Variants in DET1 observed in about 807,000 individuals in gnomAD.
The protein encoded by DET1 is DET1 partner of COP1 E3 ubiquitin ligase, also known as DET1 homolog.
DET1 carries 22 observed loss-of-function variants against 43.7 expected under a neutral mutation model. The observed-to-expected ratio is 0.50, with a 90% CI of 0.36 to 0.72. The LOEUF (loss-of-function observed/expected upper bound fraction) is 0.72. DET1 is among the 30% of genes least tolerant of loss of function. DET1 has a pLI of 0.00. For missense variants in DET1, 713 were observed against 713.3 expected (o/e 1.00, Z 0.00); for synonymous variants, 315 against 266.2 (o/e 1.18, Z -1.79).
intron 3 of DET1, among the ~76,000 whole-genome samples, chr15:88,522,401 T>A (rs1034209090): frequency 2.0e-5 from 3 of 152,128 alleles, no homozygotes. Context: ...AATGTTTCTC[T>A]TCTAGGTCCC....
chr15:88,531,190 C>T lies in DET1; in HGVS notation c.516G>A (p.Glu172=). 1 of 1,613,666 alleles carries T rather than the reference C, an allele frequency of 6.2e-7. No individual in the cohort carries two copies. The highest frequency in any genetic ancestry group is 8.5e-7 in the Non-Finnish European group (1 of 1,179,792). ...TCACTGATTCACTGTTCCGATATAC[C>T]TCAAAAAATGGAGGGTGAGGCTCAT... ...LPDEPHPPFF[E]VYRNSESVTP... Residue 172 remains glutamate, a synonymous_variant, in exon 2 of 5, where the codon GAG becomes GAA. Transcript: ENST00000268148. The surrounding 1 kb of genome is among the most constrained non-coding windows in gnomAD (Gnocchi z 6.2).
downstream of DET1, chr15:88,511,481 A>C: frequency 2.0e-6 from 2 of 985,346 alleles, no homozygotes; most frequent in Non-Finnish European, 1.2e-6. Flanking sequence ...TCCTTGAAAC[A>C]TCTTCAACTC....
chr15:88,526,750 G>A (rs577063917), intron 3 of DET1, among the ~76,000 whole-genome samples: 2 of 152,290 alleles, frequency 1.3e-5, no homozygotes, highest in South Asian at 2.1e-4. Flanking sequence ...TGAGACCAGA[G>A]CCCATCTGGT....
At chr15:88,511,841 G>A (rs2056205285), downstream of DET1, among the ~76,000 whole-genome samples, 1 of 152,234 alleles carries the variant, frequency 6.6e-6, no homozygotes, top group African/African-American at 2.4e-5. Flanking sequence ...CTGGATGGCA[G>A]AGGAAATACA....
At chr15:88,512,220 C>T (rs2056213938), downstream of DET1, 1 of 369,264 alleles carries the variant, frequency 2.7e-6, no homozygotes, top group Non-Finnish European at 3.7e-6. Context: ...ACAGATGGTA[C>T]AGATGGGAGC....
intron 1 of DET1, among the ~76,000 whole-genome samples, chr15:88,537,505 C>T (rs2056984206): frequency 6.6e-6 from 1 of 152,148 alleles, no homozygotes; most frequent in African/African-American, 2.4e-5. Context: ...CTGACCCCTA[C>T]CTCCCAGTTT....
chr15:88,513,484 C>T (rs1007481043), intron 4 of DET1, among the ~76,000 whole-genome samples: 4 of 151,324 alleles, frequency 2.6e-5, no homozygotes, highest in Non-Finnish European at 4.4e-5. Flanking sequence ...ATGCAAGCCA[C>T]GTGTGTAATT....
At chr15:88,511,546 T>C, downstream of DET1, 3 of 985,558 alleles carry the variant, frequency 3.0e-6, no homozygotes, top group Non-Finnish European at 3.6e-6. Flanking sequence ...CCACAGTATA[T>C]TTTTCTTTTT....
chr15:88,542,284 C>A (rs769484302), intron 1 of DET1, among the ~76,000 whole-genome samples: 1 of 152,072 alleles, frequency 6.6e-6, no homozygotes, highest in Admixed American at 6.5e-5. Flanking sequence ...TCCCTCCACC[C>A]GGCCTAATTG....
At chr15:88,532,079 A>G (rs982404606) in intron 1 of DET1, among the ~76,000 whole-genome samples, 4 of 152,178 alleles carry the variant, frequency 2.6e-5, no homozygotes, top group African/African-American at 9.7e-5. Flanking sequence ...AAGCAAGTGG[A>G]TCACCTGAGC....
chr15:88,513,868 C>G (rs1316876589), intron 4 of DET1, among the ~76,000 whole-genome samples: 8 of 136,636 alleles, frequency 5.9e-5, no homozygotes, highest in Admixed American at 3.8e-4. Flanking sequence ...GGCGCGATCT[C>G]GGCTCACTGC....
intron 1 of DET1, among the ~76,000 whole-genome samples, chr15:88,534,182 G>A (rs746174769): frequency 6.6e-6 from 1 of 152,078 alleles, no homozygotes; most frequent in African/African-American, 2.4e-5. Flanking sequence ...TCTTCTAATT[G>A]TTTTATTATA....
At chr15:88,528,911 T>C (rs1387076266) in intron 2 of DET1, among the ~76,000 whole-genome samples, 1 of 152,234 alleles carries the variant, frequency 6.6e-6, no homozygotes, top group African/African-American at 2.4e-5. Flanking sequence ...AACCTGAGAA[T>C]AGTACTCATA....
At chr15:88,538,945 T>C (rs535310995) in intron 1 of DET1, among the ~76,000 whole-genome samples, 2 of 152,284 alleles carry the variant, frequency 1.3e-5, no homozygotes, top group South Asian at 2.1e-4. Flanking sequence ...AGCCCGTTAC[T>C]CTAGGACGCT....
At chr15:88,526,523 A>G (rs1020514160) in intron 3 of DET1, among the ~76,000 whole-genome samples, 2 of 148,928 alleles carry the variant, frequency 1.3e-5, no homozygotes, top group African/African-American at 5.2e-5. Flanking sequence ...AGTGATTTGT[A>G]AAGGGACTCC....
intron 1 of DET1, among the ~76,000 whole-genome samples, chr15:88,538,679 G>C (rs1238352411): frequency 6.6e-6 from 1 of 152,176 alleles, no homozygotes; most frequent in East Asian, 1.9e-4. Flanking sequence ...GCCACTGGGT[G>C]AGAGTTGGTC....
downstream of DET1, among the ~76,000 whole-genome samples, chr15:88,512,200 C>T (rs763162373): frequency 3.9e-5 from 6 of 152,346 alleles, no homozygotes; most frequent in Middle Eastern, 3.4e-3. Flanking sequence ...CACTCTTCCA[C>T]CTGCATGACA....
intron 1 of DET1, among the ~76,000 whole-genome samples, chr15:88,532,527 AG>A (rs1469705047): frequency 6.6e-6 from 1 of 152,240 alleles, no homozygotes; most frequent in African/African-American, 2.4e-5. Flanking sequence ...AAGAACAAAG[AG>A]GATTCAAGCC....
Position 88,527,714 on chromosome 15 carries a change from G to T in DET1, c.1156C>A (p.Leu386Ile). The T allele has an allele frequency of 6.2e-7, 1 of 1,613,790 alleles. No homozygotes were observed. The highest frequency in any genetic ancestry group is 1.3e-5 in the African/African-American group (1 of 75,004). ...CAGAAGTTCTCAAAGAGCTCCAAAA[G>T]CTCATCTGATGTATTCTCAAACACA... is the stretch of plus-strand genomic sequence containing the variant. ...IAVFENTSDE[L>I]LELFENFCDL... is the part of the protein sequence containing the mutation. Residue 386 changes from leucine to isoleucine, a missense_variant, in exon 3 of 5, where the codon CTT becomes ATT. Leu to Ile is a conservative substitution (Grantham distance 5). Coordinates refer to ENST00000268148, the MANE Select transcript of DET1 (RefSeq NM_001144074.3).
Sources: gnomAD v4.1 joint callset for allele counts (sites outside exome capture counted in the v4.1 genomes callset) on GRCh38, gnomAD v4.1.1 for gene constraint, Gnocchi (gnomAD v3.1) non-coding constraint, MANE v1.5 for transcripts, NCBI Gene and HGNC (gene_info 2026-07-23, HGNC 2026-07-21) for gene names.